The following GNG7 variants were observed in gnomAD, a reference collection of about 807,000 sequenced individuals.
GNG7 encodes the protein G protein subunit gamma 7.
In GNG7, 1 loss-of-function variant was observed where a neutral mutation model predicts 4.0. The ratio of observed to expected loss-of-function variants is 0.25; its 90% CI spans 0.09 to 1.18. GNG7 has a LOEUF of 1.18. Ranked by LOEUF, GNG7 falls within the 50% of genes most tolerant of loss-of-function variation. The pLI is 0.50. For synonymous variants in GNG7, 34 were observed against 36.9 expected, an observed-to-expected ratio of 0.92 and a Z score of 0.29; for missense variants, 86 against 91.9, an observed-to-expected ratio of 0.94 and a Z score of 0.26.
rs796899840 is a variant in GNG7, at chr19:2,633,487, GCA to G, written c.-78+12735_-78+12736del. Among the ~76,000 whole-genome samples the G allele has an allele frequency of 0.016, 1,613 of 103,654 alleles. 16 individuals are homozygous for G. Among genetic ancestry groups the G allele is most frequent in the African/African-American group, 0.027 (699 of 25,422 alleles). 68.0% of individuals were successfully genotyped at this position (103,654 alleles called of 152,430 possible). On this transcript the variant is annotated intron_variant, in intron 2 of 4. Coordinates refer to ENST00000382159, the MANE Select transcript of GNG7 (RefSeq NM_052847.3). This position sits in a 1 kb window ranked among gnomAD's most constrained non-coding sequence, Gnocchi z 5.9. ...TAGCAACAGGCGCGCGCGCGCGCGC[GCA>G]CACACACACACACACACACACACAC...
chr19:2,627,615 G>A lies in GNG7; in HGVS notation c.-78+18609C>T, dbSNP rs554035811. Among the ~76,000 whole-genome samples, 48 of 152,330 alleles carry A rather than the reference G, an allele frequency of 3.2e-4. No homozygotes were observed. The Middle Eastern group carries it at 0.014, about 43-fold the overall frequency. On this transcript the variant is annotated intron_variant, in intron 2 of 4. Transcript: ENST00000382159. ...ACATGGGCCAGAGGGTGACTGGCTCGAGACTTGCCTCTCATTACGAGCAAA... is the reference window on the plus strand; with the variant it reads ...ACATGGGCCAGAGGGTGACTGGCTCAAGACTTGCCTCTCATTACGAGCAAA...
chr19:2,532,112 C>T (rs560090682), intron 3 of GNG7, among the ~76,000 whole-genome samples: 190 of 149,620 alleles, frequency 1.3e-3, no homozygotes, highest in South Asian at 2.3e-3. Flanking sequence ...GATCACGCCA[C>T]TGCACTGCAG....
intron 3 of GNG7, among the ~76,000 whole-genome samples, chr19:2,551,157 T>C (rs1028654367): frequency 1.3e-5 from 2 of 152,204 alleles, no homozygotes; most frequent in Non-Finnish European, 1.5e-5. Context: ...AGCACTTGTG[T>C]GTCCCAGAGG....
intron 3 of GNG7, among the ~76,000 whole-genome samples, chr19:2,537,897 G>A (rs1978796459): frequency 1.3e-5 from 2 of 152,234 alleles, no homozygotes; most frequent in Middle Eastern, 3.4e-3. Flanking sequence ...CCAACACGGT[G>A]AAACCCCATC....
At chr19:2,566,247 G>A (rs2144774586) in intron 2 of GNG7, among the ~76,000 whole-genome samples, 1 of 152,294 alleles carries the variant, frequency 6.6e-6, no homozygotes, top group East Asian at 1.9e-4. Flanking sequence ...GTATAGATAG[G>A]AGATTGGGGT....
At chr19:2,670,809 T>C (rs1346906846) in intron 1 of GNG7, among the ~76,000 whole-genome samples, 2 of 151,790 alleles carry the variant, frequency 1.3e-5, no homozygotes, top group Non-Finnish European at 2.9e-5. Context: ...AGGTGTCCCC[T>C]GGGGGACAGA....
chr19:2,557,591 G>A lies in GNG7; in HGVS notation c.-77-2403C>T, dbSNP rs1371069629. ...TTTCAGGACCGTGATAGAGAAAGAC[G>A]GGAAGTTAGACTTCTGACCCATCAC... On this transcript the variant is annotated intron_variant, in intron 2 of 4. Coordinates refer to ENST00000382159, the MANE Select transcript of GNG7 (RefSeq NM_052847.3). The surrounding 1 kb of genome is among the most constrained non-coding windows in gnomAD (Gnocchi z 5.1). Among the ~76,000 whole-genome samples the A allele has an allele frequency of 1.3e-5, 2 of 149,418 alleles. No homozygotes were observed. Among genetic ancestry groups the A allele is most frequent in the East Asian group, 2.0e-4 (1 of 5,110 alleles).
At chr19:2,530,522 A>G (rs1395406995) in intron 3 of GNG7, among the ~76,000 whole-genome samples, 1 of 151,512 alleles carries the variant, frequency 6.6e-6, no homozygotes, top group Non-Finnish European at 1.5e-5. Context: ...GGAGTTTGAG[A>G]CCAGCCTGGC....
chr19:2,591,027 T>A (rs1045991267), intron 2 of GNG7, among the ~76,000 whole-genome samples: 2 of 152,230 alleles, frequency 1.3e-5, no homozygotes, highest in Non-Finnish European at 2.9e-5. Flanking sequence ...GCAATAAATA[T>A]TATTCTTACT....
At chr19:2,672,847 C>T (rs1423728610) in intron 1 of GNG7, among the ~76,000 whole-genome samples, 1 of 152,170 alleles carries the variant, frequency 6.6e-6, no homozygotes, top group Non-Finnish European at 1.5e-5. Flanking sequence ...GTGTGGACGT[C>T]ACGTGCCCCT....
At chr19:2,636,293 C>A (rs1299340259) in intron 2 of GNG7, among the ~76,000 whole-genome samples, 2 of 152,184 alleles carry the variant, frequency 1.3e-5, no homozygotes, top group African/African-American at 4.8e-5. Context: ...GAGTCTCTAA[C>A]TCACAGGCGA....
intron 3 of GNG7, among the ~76,000 whole-genome samples, chr19:2,523,749 G>A (rs932689967): frequency 1.3e-5 from 2 of 152,072 alleles, no homozygotes; most frequent in African/African-American, 4.8e-5. Flanking sequence ...AGGGACGGCC[G>A]GGGAATGACA....
At chr19:2,545,435 G>T (rs1290595008) in intron 3 of GNG7, among the ~76,000 whole-genome samples, 1 of 151,838 alleles carries the variant, frequency 6.6e-6, no homozygotes, top group African/African-American at 2.4e-5. Context: ...ATCACTTGAC[G>T]TCAGGGGTTC....
At chr19:2,580,376 C>T (rs778548035) in intron 2 of GNG7, among the ~76,000 whole-genome samples, 32 of 149,804 alleles carry the variant, frequency 2.1e-4, no homozygotes, top group South Asian at 1.5e-3. Flanking sequence ...CTGCAACCTC[C>T]GCCTCCTGGT....
At chr19:2,607,527 C>T (rs1395812070) in intron 2 of GNG7, among the ~76,000 whole-genome samples, 3 of 106,256 alleles carry the variant, frequency 2.8e-5, no homozygotes, top group Non-Finnish European at 5.4e-5. Context: ...GAAACTCCAT[C>T]TCAAAAAGAA....
In GNG7 at chr19:2,557,255, G is replaced by A. The variant is rs1291171826; in HGVS notation, c.-77-2067C>T. The stretch of plus-strand genomic sequence containing the variant: ...CACAGACGCACATGTGCACACACAC[G>A]TGCACACACATTTGCACACACAGAC... On this transcript the variant is annotated intron_variant, in intron 2 of 4. Transcript: ENST00000382159. The surrounding 1 kb of genome is among the most constrained non-coding windows in gnomAD (Gnocchi z 5.1). Among the ~76,000 whole-genome samples, 2 of 147,258 alleles carry A rather than the reference G, an allele frequency of 1.4e-5. No individual in the cohort carries two copies. Among genetic ancestry groups the A allele is most frequent in the African/African-American group, 5.1e-5 (2 of 39,104 alleles).
Position 2,606,120 on chromosome 19 carries a change from C to T in GNG7, c.-78+40104G>A, listed in dbSNP as rs562629160. On this transcript the variant is annotated intron_variant, in intron 2 of 4. Coordinates refer to ENST00000382159, the MANE Select transcript of GNG7 (RefSeq NM_052847.3). ...AGGAAGAGGCTGGGTGGCTCACGCC[C>T]GTAATCCCAGCACTGTGGGAGGCCG... 1.6e-4 allele frequency among the ~76,000 whole-genome samples: 25 copies of T among 152,198 alleles called. No homozygotes were observed. The East Asian group carries it at 4.1e-3, about 25-fold the overall frequency.
At chr19:2,661,247 AAG>A (rs1983138781) in intron 1 of GNG7, among the ~76,000 whole-genome samples, 1 of 42,214 alleles carries the variant, frequency 2.4e-5, no homozygotes, top group Non-Finnish European at 4.6e-5. Context: ...AAAGAAAGAA[AAG>A]AAAGAAAGAA....
chr19:2,697,935 G>A (rs1443294974), intron 1 of GNG7, among the ~76,000 whole-genome samples: 1 of 151,808 alleles, frequency 6.6e-6, no homozygotes, highest in African/African-American at 2.4e-5. Context: ...TGGCGCCACT[G>A]CACTCCAGCC....
Sources: gnomAD v4.1 joint callset for allele counts (sites outside exome capture counted in the v4.1 genomes callset) on GRCh38, gnomAD v4.1.1 for gene constraint, Gnocchi (gnomAD v3.1) non-coding constraint, MANE v1.5 for transcripts, NCBI Gene and HGNC (gene_info 2026-07-23, HGNC 2026-07-21) for gene names.